MED14: variants seen among roughly 807,000 people sequenced by gnomAD.
MED14 encodes the protein mediator of RNA polymerase II transcription subunit 14.
Under a neutral mutation model 109.0 loss-of-function variants are expected in MED14, and 8 were observed. That is an observed-to-expected ratio of 0.07 (90% CI 0.04 to 0.13). The LOEUF (loss-of-function observed/expected upper bound fraction) is 0.13, where lower values mean the gene tolerates loss of function less well. MED14 is among the 10% of genes least tolerant of loss of function. MED14 has a pLI of 1.00. For missense variants in MED14, 711 were observed against 1,142.4 expected (o/e 0.62, Z 5.44); for synonymous variants, 399 against 408.7 (o/e 0.98, Z 0.29).
chrX:40,725,146 GTAACAAGAATGGAGC>G (rs1223781638), intron 3 of MED14, among the ~76,000 whole-genome samples: 1 of 111,577 alleles, frequency 9.0e-6, no homozygotes, highest in Non-Finnish European at 1.9e-5. Context: ...CTAATAACAA[GTAACAAGAATGGAGC>G]TATAATTCAT....
chrX:40,664,827 TTATA>T (rs2146624690), intron 24 of MED14, among the ~76,000 whole-genome samples: 1 of 111,761 alleles, frequency 8.9e-6, no homozygotes, highest in South Asian at 3.7e-4. Context: ...GGCAGAAATA[TTATA>T]TTTTTAAACC....
intron 26 of MED14, among the ~76,000 whole-genome samples, chrX:40,660,464 T>C (rs780714368): frequency 1.2e-3 from 137 of 112,350 alleles, no homozygotes; most frequent in Admixed American, 2.8e-3. Flanking sequence ...AAGTGTTATA[T>C]AGAAAAAGTT....
At chrX:40,663,263 T>C (rs1929353030) in intron 25 of MED14, 103 bp from the exon 26 acceptor site, 1 of 662,797 alleles carries the variant, frequency 1.5e-6, no homozygotes, top group Non-Finnish European at 2.3e-6. Context: ...AATCATTCTG[T>C]ACTGTTTTAG....
At chrX:40,679,385 T>A (rs1180392810) in intron 21 of MED14, among the ~76,000 whole-genome samples, 1 of 111,270 alleles carries the variant, frequency 9.0e-6, no homozygotes, top group Non-Finnish European at 1.9e-5. Context: ...TGCATGCCTA[T>A]AATCTCAGCT....
intron 26 of MED14, among the ~76,000 whole-genome samples, chrX:40,660,437 G>A (rs980455377): frequency 3.6e-5 from 4 of 111,816 alleles, no homozygotes; most frequent in Admixed American, 2.8e-4. Flanking sequence ...CCCGGGGGTC[G>A]ACAAACTTTT....
At chrX:40,683,027 C>T in intron 16 of MED14, 31 bp from the exon 17 acceptor site, 2 of 1,134,819 alleles carry the variant, frequency 1.8e-6, no homozygotes. Context: ...ATGAAGTATA[C>T]TTTACACAGA....
At chrX:40,702,406 G>A (rs1470203487) in intron 11 of MED14, among the ~76,000 whole-genome samples, 1 of 101,102 alleles carries the variant, frequency 9.9e-6, no homozygotes, top group Non-Finnish European at 2.0e-5. Context: ...GAGTGCAGTG[G>A]CGCGATCTCG....
In MED14 at chrX:40,735,404, T is replaced by C. The variant is rs1932227752; in HGVS notation, c.9A>G (p.Pro3=). 2 of 1,101,504 alleles carry C rather than the reference T, an allele frequency of 1.8e-6. No homozygotes were observed. The highest frequency in any genetic ancestry group is 1.2e-6 in the Non-Finnish European group (1 of 844,031). The allele number at this position is 1,101,504 out of a possible 1,213,427, so 90.8% of individuals were successfully genotyped here. A position where few individuals can be genotyped will look rare whatever the true frequency, so the allele number is the denominator to read the frequency against. Residue 3 remains proline (P), a synonymous_variant, in exon 1 of 31, where the codon CCA becomes CCG. Transcript: ENST00000324817. ...CCAGCTGGTGGTTCTCCAGCTGCAC[T>C]GGGGCCATGGCGGCGCAGGACCGGG... MA[P]VQLENHQLVP... is the part of the protein sequence containing the mutation.
intron 1 of MED14, among the ~76,000 whole-genome samples, chrX:40,734,607 T>C (rs929771153): frequency 4.4e-5 from 5 of 112,673 alleles, no homozygotes; most frequent in African/African-American, 6.5e-5. Flanking sequence ...AACTTAATCA[T>C]GCCCCAAGGC....
intron 3 of MED14, among the ~76,000 whole-genome samples, chrX:40,715,669 C>T (rs1394571482): frequency 3.7e-5 from 4 of 108,055 alleles, no homozygotes; most frequent in Non-Finnish European, 7.7e-5. Flanking sequence ...GCCTGTAGTC[C>T]CAGCTACTCG....
chrX:40,672,759 CT>C (rs1186641699), intron 22 of MED14, among the ~76,000 whole-genome samples: 26 of 103,554 alleles, frequency 2.5e-4, no homozygotes, highest in South Asian at 8.2e-4. Flanking sequence ...AGATTGTCTA[CT>C]TTTTTTTTTT....
At position 40,663,099 on chromosome X, in the gene MED14, C is replaced by T. The variant is rs368793355; in HGVS notation, c.3510G>A (p.Ala1170=). Reference sequence around the variant, plus strand: ...GAGTGAGGATGGTAGGTATGGATGCCGCCCAAGAGCGCTGAGGTAGTTTAC... The same window carrying T: ...GAGTGAGGATGGTAGGTATGGATGCTGCCCAAGAGCGCTGAGGTAGTTTAC... ...PPRKLPQRSW[A]ASIPTILTHS... is the part of the protein sequence containing the mutation. The change falls in exon 26 of 31, where the codon GCG becomes GCA. Residue 1170 remains alanine, a synonymous_variant. Transcript: ENST00000324817. 9.9e-6 allele frequency: 12 copies of T among 1,209,911 alleles called. No individual in the cohort carries two copies. Among genetic ancestry groups the T allele is most frequent in the African/African-American group, 3.5e-5 (2 of 57,220 alleles).
chrX:40,728,650 G>A (rs1036161086), intron 2 of MED14, among the ~76,000 whole-genome samples: 1 of 110,923 alleles, frequency 9.0e-6, no homozygotes, highest in African/African-American at 3.3e-5. Flanking sequence ...CTTTAATTTC[G>A]CTTGTTCCTT....
At chrX:40,660,285 G>A (rs952766016) in intron 26 of MED14, among the ~76,000 whole-genome samples, 1 of 111,552 alleles carries the variant, frequency 9.0e-6, no homozygotes, top group Non-Finnish European at 1.9e-5. Context: ...GGTGATGAGA[G>A]TACAGAAGTT....
intron 14 of MED14, 132 bp downstream of exon 14, chrX:40,692,576 G>A (rs938854757): frequency 1.1e-4 from 67 of 608,818 alleles, no homozygotes; most frequent in Non-Finnish European, 1.4e-4. Context: ...GTAGACAATT[G>A]TTACTTAAGC....
Position 40,657,867 on chromosome X carries a change from C to A in MED14, c.3972+1360G>T, listed in dbSNP as rs185631727. ...AGTGCAGTGGCATGATCTCGGCTCA[C>A]TGCAACCTCTGCCTCCTGGGTTCAA... On this transcript the variant is annotated intron_variant, in intron 28 of 30. Transcript: ENST00000324817. Among the ~76,000 whole-genome samples the A allele has an allele frequency of 5.2e-4, 58 of 111,834 alleles. 2 individuals carry two copies. The East Asian group carries it at 0.015, about 29-fold the overall frequency.
intron 22 of MED14, among the ~76,000 whole-genome samples, 185 bp from the exon 23 acceptor site, chrX:40,672,157 G>A (rs1473797556): frequency 1.8e-5 from 2 of 111,948 alleles, no homozygotes; most frequent in Admixed American, 1.9e-4. Context: ...TATAAACCCC[G>A]ACTTTCGAAA....
intron 28 of MED14, among the ~76,000 whole-genome samples, chrX:40,658,244 C>G (rs1002551945): frequency 2.7e-5 from 3 of 110,303 alleles, no homozygotes; most frequent in African/African-American, 9.9e-5. Flanking sequence ...GCTGTGCCGC[C>G]ATGCCTAGCT....
In MED14 at chrX:40,676,105, A is replaced by G. The variant is rs776990706; in HGVS notation, c.2881-744T>C. Among the ~76,000 whole-genome samples the G allele has an allele frequency of 8.9e-5, 10 of 111,876 alleles. No homozygotes were observed. The South Asian group carries it at 1.9e-3, about 21-fold the overall frequency. On this transcript the variant is annotated intron_variant, in intron 21 of 30. Coordinates refer to ENST00000324817, the MANE Select transcript of MED14 (RefSeq NM_004229.4). ...CGAGACCAACCTGGGCAATAATGGC[A>G]AAACCTCATCTCTACAAAAAATAGA...
Sources: gnomAD v4.1 joint callset for allele counts (sites outside exome capture counted in the v4.1 genomes callset) on GRCh38, gnomAD v4.1.1 for gene constraint, MANE v1.5 for transcripts, NCBI Gene and HGNC (gene_info 2026-07-23, HGNC 2026-07-21) for gene names.